Variants in CCDC13 observed in about 807,000 individuals in gnomAD.
The protein encoded by CCDC13 is coiled-coil domain containing 13.
In CCDC13, 70 loss-of-function variants were observed where a neutral mutation model predicts 87.3. The ratio of observed to expected loss-of-function variants is 0.80; its 90% confidence interval spans 0.66 to 0.98. CCDC13 has a LOEUF of 0.98. Ranked by LOEUF, CCDC13 falls within the 50% of genes least tolerant of loss-of-function variation. The probability of loss-of-function intolerance (pLI) is 0.00; values close to 1 mark genes in which losing one functional copy is unlikely to be tolerated. For missense variants in CCDC13, 842 were observed against 892.0 expected, an observed-to-expected ratio of 0.94 and a Z score of 0.71; for synonymous variants, 317 against 360.3, an observed-to-expected ratio of 0.88 and a Z score of 1.36.
At chr3:42,748,031 A>G (rs573936960) in intron 5 of CCDC13, among the ~76,000 whole-genome samples, 31 of 151,878 alleles carry the variant, frequency 2.0e-4, no homozygotes, top group African/African-American at 7.5e-4. Context: ...GGCTTGAAGA[A>G]CTACAGCAAC....
intron 8 of CCDC13, among the ~76,000 whole-genome samples, chr3:42,740,494 A>T (rs1361602351): frequency 1.3e-5 from 2 of 152,186 alleles, no homozygotes; most frequent in Middle Eastern, 3.2e-3. Context: ...ATGCTGGGGG[A>T]CAGCAAAAAG....
chr3:42,709,599 A>G (rs1698254741), intron 15 of CCDC13, 85 bp downstream of exon 15: 4 of 1,079,634 alleles, frequency 3.7e-6, no homozygotes, highest in Non-Finnish European at 5.7e-6. Flanking sequence ...CAAAAGTGCA[A>G]GGGGAGGGAC....
At chr3:42,705,721 A>G (rs1416663674), downstream of CCDC13, among the ~76,000 whole-genome samples, 1 of 152,166 alleles carries the variant, frequency 6.6e-6, no homozygotes, top group Non-Finnish European at 1.5e-5. Context: ...CCCAGGACAG[A>G]TGGTGCTACC....
intron 1 of CCDC13, among the ~76,000 whole-genome samples, chr3:42,771,296 C>G (rs1406730597): frequency 6.6e-6 from 1 of 152,174 alleles, no homozygotes; most frequent in East Asian, 1.9e-4. Context: ...GATTGTAAAT[C>G]CCTTCTAAAT....
intron 13 of CCDC13, among the ~76,000 whole-genome samples, chr3:42,725,334 C>A (rs1212785725): frequency 6.6e-6 from 1 of 151,886 alleles, no homozygotes; most frequent in Non-Finnish European, 1.5e-5. Flanking sequence ...CAGATATACT[C>A]CCATAAAAAT....
At chr3:42,767,602 G>A (rs1309410192) in intron 1 of CCDC13, among the ~76,000 whole-genome samples, 1 of 152,148 alleles carries the variant, frequency 6.6e-6, no homozygotes, top group Non-Finnish European at 1.5e-5. Flanking sequence ...AGTTTATGTG[G>A]AGAGGCAAAA....
chr3:42,770,640 G>C (rs1700051008), intron 1 of CCDC13: 1 of 152,368 alleles, frequency 6.6e-6, no homozygotes, highest in African/African-American at 2.4e-5. Context: ...TTGAAGCTTT[G>C]TTCTTTTGCT....
At chr3:42,758,801 C>T (rs114159850) in intron 1 of CCDC13, among the ~76,000 whole-genome samples, 1,646 of 152,218 alleles carry the variant, frequency 0.011, 33 homozygotes, top group African/African-American at 0.038. Context: ...CAATAAAGTA[C>T]ATAAATCCTG....
chr3:42,773,210 C>CGG lies in CCDC13; in HGVS notation c.-43_-42dup, dbSNP rs1183019100. The CGG allele has an allele frequency of 6.6e-6, 1 of 152,250 alleles. No homozygotes were observed. The highest frequency in any genetic ancestry group is 2.4e-5 in the African/African-American group (1 of 41,466). 9.4% of individuals were successfully genotyped at this position (152,250 alleles called of 1,614,324 possible). A position where few individuals can be genotyped will look rare whatever the true frequency, so the allele number is the denominator to read the frequency against. On this transcript the variant is annotated 5_prime_UTR_variant, in exon 1 of 16. Transcript: ENST00000310232. The stretch of plus-strand genomic sequence containing the variant: ...TCTCCACTTCTCCCTTCTAGGACCG[C>CGG]GGCGGCTAGGTCACCTCCTCCGGAC...
In CCDC13 at chr3:42,713,219, G is replaced by GT. The variant is rs1559635857; in HGVS notation, c.1815dup (p.Arg606ThrfsTer25). On this transcript the variant is annotated frameshift_variant, in exon 14 of 16. Coordinates refer to ENST00000310232, the MANE Select transcript of CCDC13 (RefSeq NM_144719.4). LOFTEE classifies it high-confidence loss of function. The stretch of plus-strand genomic sequence containing the variant: ...GCTGATGCCTTCCCTGGCTCCAGGC[G>GT]TATCTTCTCCAGATGTTGCTCCAGC... 1.2e-6 allele frequency: 2 copies of GT among 1,614,206 alleles called. No individual in the cohort carries two copies. The highest frequency in any genetic ancestry group is 1.7e-6 in the Non-Finnish European group (2 of 1,180,032).
intron 1 of CCDC13, among the ~76,000 whole-genome samples, chr3:42,760,787 T>G (rs1026128166): frequency 1.3e-5 from 2 of 151,732 alleles, no homozygotes; most frequent in Non-Finnish European, 2.9e-5. Context: ...ATAAATAAAT[T>G]AATTAATTAA....
intron 7 of CCDC13, among the ~76,000 whole-genome samples, chr3:42,744,552 T>A (rs1002280780): frequency 6.6e-6 from 1 of 152,122 alleles, no homozygotes; most frequent in African/African-American, 2.4e-5. Flanking sequence ...ATGCCTGTAA[T>A]CCCAGCACTT....
rs1410118625 is a variant in CCDC13 at position 42,773,191 on chromosome 3, C to T, written c.-22G>A. 1.3e-5 allele frequency: 2 copies of T among 152,284 alleles called. No homozygotes were observed. The highest frequency in any genetic ancestry group is 6.5e-5 in the Admixed American group (1 of 15,286). The allele number at this position is 152,284 out of a possible 1,614,324, so 9.4% of individuals were successfully genotyped here. ...CGGCACTTACAGCGGTCTCTCTCCA[C>T]TTCTCCCTTCTAGGACCGCGGCGGC... On this transcript the variant is annotated 5_prime_UTR_variant, in exon 1 of 16. The change creates a new upstream start codon in the 5' untranslated region. Coordinates refer to ENST00000310232, the MANE Select transcript of CCDC13 (RefSeq NM_144719.4).
chr3:42,733,911 C>CA (rs1559645291), intron 10 of CCDC13, among the ~76,000 whole-genome samples: 1 of 152,186 alleles, frequency 6.6e-6, no homozygotes, highest in Non-Finnish European at 1.5e-5. Context: ...CAGAGACTGA[C>CA]GTCTCTGAGT....
intron 13 of CCDC13, among the ~76,000 whole-genome samples, chr3:42,720,383 C>T (rs1257485233): frequency 1.3e-5 from 2 of 152,180 alleles, no homozygotes; most frequent in Non-Finnish European, 2.9e-5. Flanking sequence ...TAGGTAAGGC[C>T]TGGGACACAT....
At chr3:42,724,182 TG>T (rs910796087) in intron 13 of CCDC13, among the ~76,000 whole-genome samples, 1 of 152,224 alleles carries the variant, frequency 6.6e-6, no homozygotes, top group African/African-American at 2.4e-5. Context: ...CAAACCACAT[TG>T]TGAATTCCCA....
chr3:42,746,285 G>A (rs1039162944), intron 6 of CCDC13: 16 of 448,828 alleles, frequency 3.6e-5, no homozygotes, highest in African/African-American at 2.9e-4. Context: ...CCCAGATAGG[G>A]CCCCTTGCTC....
intron 5 of CCDC13, chr3:42,749,693 A>G (rs2125902699): frequency 2.9e-6 from 1 of 350,376 alleles, no homozygotes; most frequent in South Asian, 2.1e-5. Context: ...TCCCAGAGTG[A>G]AATTCCACAG....
Position 42,757,199 on chromosome 3 carries a change from C to A in CCDC13, c.237G>T (p.Glu79Asp). Reference sequence around the variant, plus strand: ...TGAGCTCATTTCGAAGGTGTTCAATCTCATCTTCAAGCACCCTACAAGGCA... The same window carrying A: ...TGAGCTCATTTCGAAGGTGTTCAATATCATCTTCAAGCACCCTACAAGGCA... Reference protein sequence around the residue: ...NSFEKRVLEDEIEHLRNELRE... With the variant: ...NSFEKRVLEDDIEHLRNELRE... Residue 79 changes from glutamate (E) to aspartate (D), a missense_variant, in exon 3 of 16, where the codon GAG (glutamate) becomes GAT (aspartate). Transcript: ENST00000310232. The A allele has an allele frequency of 6.2e-7, 1 of 1,613,996 alleles. No individual in the cohort carries two copies. The highest frequency in any genetic ancestry group is 8.5e-7 in the Non-Finnish European group (1 of 1,179,952).
Sources: allele counts gnomAD v4.1 joint callset (sites outside exome capture counted in the v4.1 genomes callset), GRCh38; gene constraint gnomAD v4.1.1; transcripts MANE v1.5; gene names NCBI Gene and HGNC (gene_info 2026-07-23, HGNC 2026-07-21).